The following BAZ2B variants were observed in gnomAD, a reference collection of about 807,000 sequenced individuals.
The protein encoded by BAZ2B is bromodomain adjacent to zinc finger domain protein 2B.
BAZ2B carries 91 observed loss-of-function variants against 246.0 expected under a neutral mutation model. That is an observed-to-expected ratio of 0.37 (90% CI 0.31 to 0.44). The LOEUF (loss-of-function observed/expected upper bound fraction) is 0.44. BAZ2B is among the 20% of genes least tolerant of loss of function. BAZ2B has a pLI of 1.00. For missense variants in BAZ2B, 2,332 were observed against 2,533.7 expected (o/e 0.92, Z 1.71); for synonymous variants, 855 against 860.0 (o/e 0.99, Z 0.10).
At chr2:159,398,783 T>A (rs754273777) in intron 18 of BAZ2B, 46 bp downstream of exon 18, 1 of 1,540,682 alleles carries the variant, frequency 6.5e-7, no homozygotes, top group Non-Finnish European at 8.9e-7. Flanking sequence ...TAACATATAG[T>A]TTTTATTTTT....
At chr2:159,500,614 G>C (rs977590401) in intron 2 of BAZ2B, among the ~76,000 whole-genome samples, 2 of 152,150 alleles carry the variant, frequency 1.3e-5, no homozygotes, top group African/African-American at 4.8e-5. Flanking sequence ...AAGGCCCTAA[G>C]TATACATCCT....
intron 2 of BAZ2B, among the ~76,000 whole-genome samples, chr2:159,495,484 CAAAAAA>C (rs56365046): frequency 1.4e-5 from 1 of 73,220 alleles, no homozygotes; most frequent in African/African-American, 6.6e-5. Flanking sequence ...GACTCCGTCT[CAAAAAA>C]AAAAAAAAAA....
chr2:159,626,962 G>A, the BAZ2B span, among the ~76,000 whole-genome samples: 37,482 of 151,880 alleles, frequency 0.25, 5,971 homozygotes, highest in Admixed American at 0.43. Flanking sequence ...TCAAATGGAC[G>A]CAATAAAAAA....
Position 159,349,761 on chromosome 2 carries a change from A to T in BAZ2B, c.4810T>A (p.Ser1604Thr), listed in dbSNP as rs1291490332. The T allele has an allele frequency of 1.2e-6, 2 of 1,613,982 alleles. No individual in the cohort carries two copies. The change falls in exon 28 of 37, where the codon TCT becomes ACT. Residue 1604 changes from serine to threonine, a missense_variant. Physicochemically the swap from Ser to Thr is moderately conservative, Grantham distance 58 (BLOSUM62 1). Coordinates refer to ENST00000392783, the MANE Select transcript of BAZ2B (RefSeq NM_013450.4). ...SPSPTPAPLG[S>T]SAQNPVGLNP... ...AAGCCAACAGGATTCTGAGCAGAAG[A>T]TCCAAGAGGAGCTGGGGTAGGTGAA...
chr2:159,469,584 C>T (rs1559532714), intron 3 of BAZ2B, among the ~76,000 whole-genome samples: 1 of 151,910 alleles, frequency 6.6e-6, no homozygotes, highest in African/African-American at 2.4e-5. Context: ...TACAGGTGCC[C>T]GCCACCATGC....
intron 2 of BAZ2B, among the ~76,000 whole-genome samples, chr2:159,521,350 T>C (rs866738274): frequency 1.3e-5 from 2 of 152,104 alleles, no homozygotes; most frequent in African/African-American, 2.4e-5. Flanking sequence ...CAATTTTCTT[T>C]CTTTTCCTTA....
chr2:159,511,983 A>G (rs1471470018), intron 2 of BAZ2B, among the ~76,000 whole-genome samples: 1 of 152,176 alleles, frequency 6.6e-6, no homozygotes, highest in Non-Finnish European at 1.5e-5. Flanking sequence ...TGTTCCTTTG[A>G]AAAAATAGCA....
At chr2:159,659,910 T>G in the BAZ2B span, among the ~76,000 whole-genome samples, 1 of 152,246 alleles carries the variant, frequency 6.6e-6, no homozygotes. Flanking sequence ...CTCTATTCAT[T>G]AAAGTATCAT....
At chr2:159,625,205 TG>T in the BAZ2B span, among the ~76,000 whole-genome samples, 1 of 152,164 alleles carries the variant, frequency 6.6e-6, no homozygotes, top group Non-Finnish European at 1.5e-5. Flanking sequence ...TACATTTGAC[TG>T]GTGTGCCTGA....
At chr2:159,704,789 G>GT in the BAZ2B span, among the ~76,000 whole-genome samples, 57 of 151,826 alleles carry the variant, frequency 3.8e-4, no homozygotes, top group African/African-American at 1.3e-3. Context: ...GGTTTTTTTT[G>GT]TTTTTTGAGT....
chr2:159,611,917 T>C (rs1559903621), intron 1 of BAZ2B, among the ~76,000 whole-genome samples: 1 of 151,888 alleles, frequency 6.6e-6, no homozygotes, highest in Admixed American at 6.6e-5. Context: ...AAAAACACCA[T>C]GCAAATAATT....
the BAZ2B span, among the ~76,000 whole-genome samples, chr2:159,655,836 C>G: frequency 6.6e-6 from 1 of 152,132 alleles, no homozygotes; most frequent in South Asian, 2.1e-4. Context: ...TTTAGAGTCC[C>G]CCTTTATGTT....
chr2:159,439,313 C>T (rs527585038), intron 6 of BAZ2B, 101 bp from the exon 7 acceptor site: 1 of 1,035,692 alleles, frequency 9.7e-7, no homozygotes, highest in East Asian at 2.4e-5. Context: ...TATTTTCAAT[C>T]TCAAAATGTC....
intron 1 of BAZ2B, among the ~76,000 whole-genome samples, chr2:159,564,964 G>A (rs2090223965): frequency 6.6e-6 from 1 of 152,180 alleles, no homozygotes; most frequent in Non-Finnish European, 1.5e-5. Context: ...TTCACCTCAT[G>A]GGTTCAAGTG....
At chr2:159,333,836 G>A (rs1242073950) in intron 33 of BAZ2B, among the ~76,000 whole-genome samples, 3 of 152,000 alleles carry the variant, frequency 2.0e-5, no homozygotes, top group Non-Finnish European at 4.4e-5. Context: ...CACTATTCAA[G>A]TTAACAAATG....
chr2:159,481,684 A>C (rs2079247414), intron 2 of BAZ2B, among the ~76,000 whole-genome samples: 1 of 151,976 alleles, frequency 6.6e-6, no homozygotes, highest in Admixed American at 6.6e-5. Flanking sequence ...CCAAAACTAC[A>C]CAAACTCAGC....
chr2:159,630,596 C>T, the BAZ2B span, among the ~76,000 whole-genome samples: 8 of 151,186 alleles, frequency 5.3e-5, no homozygotes, highest in African/African-American at 1.9e-4. Context: ...TGCAGTGGCG[C>T]AATCTCGGCT....
chr2:159,383,541 T>C, intron 24 of BAZ2B, 65 bp downstream of exon 24: 1 of 1,344,688 alleles, frequency 7.4e-7, no homozygotes, highest in Non-Finnish European at 1.1e-6. Context: ...TTGCAATTCA[T>C]ATGCTTTACT....
At chr2:159,552,928 G>C (rs1057037070) in intron 2 of BAZ2B, among the ~76,000 whole-genome samples, 8 of 152,152 alleles carry the variant, frequency 5.3e-5, no homozygotes, top group Non-Finnish European at 1.5e-5. Context: ...TGGTATTAGA[G>C]AGACAGTTTG....
Sources: gnomAD v4.1 joint callset for allele counts (sites outside exome capture counted in the v4.1 genomes callset) on GRCh38, gnomAD v4.1.1 for gene constraint, MANE v1.5 for transcripts, NCBI Gene and HGNC (gene_info 2026-07-23, HGNC 2026-07-21) for gene names.